The following INPP4B variants were observed in gnomAD, a reference collection of about 807,000 sequenced individuals.
The protein encoded by INPP4B is inositol polyphosphate 4-phosphatase type II.
A neutral mutation model predicts 122.5 loss-of-function variants in INPP4B; 55 were observed. The observed-to-expected ratio is 0.45, with a 90% CI of 0.36 to 0.56. The LOEUF (loss-of-function observed/expected upper bound fraction) is 0.56. Among genes scored for constraint, INPP4B ranks in the 20% least tolerant of loss-of-function variants. The pLI, the probability that INPP4B is intolerant of heterozygous loss-of-function variation, is 0.00. For synonymous variants in INPP4B, 403 were observed against 388.7 expected (o/e 1.04, Z -0.43); for missense variants, 1,000 against 1,097.7 (o/e 0.91, Z 1.26).
intron 10 of INPP4B, among the ~76,000 whole-genome samples, chr4:142,264,398 T>G (rs1249390577): frequency 1.3e-5 from 2 of 152,132 alleles, no homozygotes; most frequent in Non-Finnish European, 2.9e-5. Context: ...AAAGAAAAAA[T>G]GTTTTGGATA....
At chr4:142,535,960 T>A (rs530909184) in intron 2 of INPP4B, among the ~76,000 whole-genome samples, 1 of 152,266 alleles carries the variant, frequency 6.6e-6, no homozygotes, top group South Asian at 2.1e-4. Flanking sequence ...ATGCATTATA[T>A]CCCCAGCCCA....
At chr4:142,461,944 A>C (rs1048600953) in intron 3 of INPP4B, among the ~76,000 whole-genome samples, 24 of 152,258 alleles carry the variant, frequency 1.6e-4, no homozygotes, top group African/African-American at 5.8e-4. Flanking sequence ...GGCTTCTTAC[A>C]ATGGATATTA....
At chr4:142,327,631 G>T (rs1349216230) in intron 7 of INPP4B, among the ~76,000 whole-genome samples, 2 of 152,022 alleles carry the variant, frequency 1.3e-5, no homozygotes, top group Admixed American at 1.3e-4. Context: ...CTCAACATGG[G>T]CTGCACTTTA....
chr4:142,180,724 C>T (rs1352506271), intron 15 of INPP4B, among the ~76,000 whole-genome samples: 1 of 152,048 alleles, frequency 6.6e-6, no homozygotes, highest in Non-Finnish European at 1.5e-5. Flanking sequence ...TTTACTATCT[C>T]TTGAACATAG....
Position 142,305,517 on chromosome 4 carries a change from G to T in INPP4B, c.444C>A (p.Ala148=), listed in dbSNP as rs750923482. ...TCAGCAGCTCTCCCACTTTAAAACT[G>T]GCATAGCCCAAGAAACTTCGCTGAA... ...PEVGRSFLGY[A]SFKVGELLKS... Residue 148 remains alanine (A), a synonymous_variant, in exon 9 of 26, where the codon GCC becomes GCA. Coordinates refer to ENST00000262992, the MANE Select transcript of INPP4B (RefSeq NM_001101669.3). 7 of 1,612,446 alleles carry T rather than the reference G, an allele frequency of 4.3e-6. No individual in the cohort carries two copies. In the Admixed American group the frequency reaches 5.0e-5, roughly 12 times the overall value.
intron 7 of INPP4B, among the ~76,000 whole-genome samples, chr4:142,319,724 G>A (rs1392564523): frequency 6.6e-6 from 1 of 152,154 alleles, no homozygotes; most frequent in Non-Finnish European, 1.5e-5. Context: ...GTCTTTACGT[G>A]GTGGCTGAGC....
intron 11 of INPP4B, among the ~76,000 whole-genome samples, chr4:142,256,394 C>G (rs1368285235): frequency 2.0e-5 from 3 of 151,712 alleles, no homozygotes; most frequent in Non-Finnish European, 4.4e-5. Flanking sequence ...AAAAACCCTT[C>G]AAAAAATTAA....
chr4:142,218,248 C>T (rs1032545799), intron 12 of INPP4B, among the ~76,000 whole-genome samples: 6 of 152,102 alleles, frequency 3.9e-5, no homozygotes, highest in Admixed American at 3.3e-4. Flanking sequence ...ATCCCTCCTA[C>T]CACATTTTAC....
chr4:142,222,922 T>G (rs1050767837), intron 12 of INPP4B, among the ~76,000 whole-genome samples: 11 of 152,246 alleles, frequency 7.2e-5, no homozygotes, highest in African/African-American at 2.7e-4. Context: ...CTCTGATACA[T>G]TGTTTTACCA....
intron 25 of INPP4B, among the ~76,000 whole-genome samples, chr4:142,054,732 A>T (rs917854120): frequency 6.6e-6 from 1 of 152,108 alleles, no homozygotes; most frequent in Non-Finnish European, 1.5e-5. Flanking sequence ...AAAGATTCCT[A>T]TATCATGCTT....
chr4:142,431,321 T>A lies in INPP4B; in HGVS notation c.-62A>T. 8.5e-7 allele frequency: 1 copy of A among 1,182,000 alleles called. No homozygotes were observed. Among genetic ancestry groups the A allele is most frequent in the Non-Finnish European group, 1.3e-6 (1 of 792,054 alleles). The allele number at this position is 1,182,000 out of a possible 1,614,324, so 73.2% of individuals were successfully genotyped here. On this transcript the variant is annotated 5_prime_UTR_variant, in exon 4 of 26. Coordinates refer to ENST00000262992, the MANE Select transcript of INPP4B (RefSeq NM_001101669.3). ...CTTGTCCAAATGTCAGTTCTAGTGATTCCTGGTTTAATGTAGATGTATCTT... is the reference window on the plus strand; with the variant it reads ...CTTGTCCAAATGTCAGTTCTAGTGAATCCTGGTTTAATGTAGATGTATCTT...
chr4:142,658,299 T>C (rs1194617040), intron 2 of INPP4B, among the ~76,000 whole-genome samples: 1 of 152,178 alleles, frequency 6.6e-6, no homozygotes, highest in Non-Finnish European at 1.5e-5. Flanking sequence ...TATTGTAACA[T>C]TGGAATACAG....
intron 1 of INPP4B, among the ~76,000 whole-genome samples, chr4:142,738,089 C>T (rs1228796101): frequency 6.6e-6 from 1 of 152,138 alleles, no homozygotes; most frequent in Non-Finnish European, 1.5e-5. Context: ...TACCATTTGA[C>T]CCAGCCATCC....
intron 7 of INPP4B, among the ~76,000 whole-genome samples, chr4:142,369,575 T>A (rs1788954455): frequency 7.2e-6 from 1 of 139,748 alleles, no homozygotes; most frequent in Non-Finnish European, 1.6e-5. Context: ...AGACCCTGTC[T>A]CGAAAATTAA....
chr4:142,511,153 T>C (rs1243156455), intron 2 of INPP4B, among the ~76,000 whole-genome samples: 1 of 152,168 alleles, frequency 6.6e-6, no homozygotes, highest in Non-Finnish European at 1.5e-5. Context: ...ATTTTAACTT[T>C]CTCATACATT....
intron 7 of INPP4B, among the ~76,000 whole-genome samples, chr4:142,328,351 T>C (rs1773229894): frequency 6.6e-6 from 1 of 152,140 alleles, no homozygotes; most frequent in African/African-American, 2.4e-5. Context: ...AGCTGAGAGA[T>C]CGATTTCCTA....
intron 15 of INPP4B, among the ~76,000 whole-genome samples, chr4:142,188,580 C>A (rs1203891086): frequency 1.4e-5 from 2 of 146,932 alleles, no homozygotes; most frequent in Admixed American, 1.4e-4. Flanking sequence ...ATCTTAGACT[C>A]CAAATTGCAC....
intron 1 of INPP4B, among the ~76,000 whole-genome samples, chr4:142,796,508 G>A (rs369421101): frequency 6.6e-6 from 1 of 151,914 alleles, no homozygotes; most frequent in South Asian, 2.1e-4. Flanking sequence ...GTTGATAGCA[G>A]GCAAAAGGGA....
intron 7 of INPP4B, among the ~76,000 whole-genome samples, chr4:142,333,266 T>C (rs1208376680): frequency 6.6e-6 from 1 of 152,124 alleles, no homozygotes; most frequent in Non-Finnish European, 1.5e-5. Flanking sequence ...AGCTTGTTAG[T>C]AATGCAGACT....
Sources: allele counts gnomAD v4.1 joint callset (sites outside exome capture counted in the v4.1 genomes callset), GRCh38; gene constraint gnomAD v4.1.1; transcripts MANE v1.5; gene names NCBI Gene and HGNC (gene_info 2026-07-23, HGNC 2026-07-21).